Variants in UBLCP1 observed in about 807,000 individuals in gnomAD.
UBLCP1 encodes the protein ubiquitin like domain containing CTD phosphatase 1.
In UBLCP1, 28 loss-of-function variants were observed where a neutral mutation model predicts 42.4. The observed-to-expected ratio is 0.66, with a 90% CI of 0.49 to 0.90. The LOEUF (loss-of-function observed/expected upper bound fraction) is 0.90, where lower values mean the gene tolerates loss of function less well. Among genes scored for constraint, UBLCP1 ranks in the 40% least tolerant of loss-of-function variants. The pLI is 0.00. For synonymous variants in UBLCP1, 122 were observed against 120.8 expected (o/e 1.01, Z -0.07); for missense variants, 279 against 374.5 (o/e 0.75, Z 2.10).
chr5:159,279,958 A>C (rs574496550), intron 9 of UBLCP1, among the ~76,000 whole-genome samples: 114 of 152,300 alleles, frequency 7.5e-4, no homozygotes, highest in African/African-American at 2.6e-3. Context: ...TGTTTAAAAG[A>C]AACTTTGTTT....
chr5:159,273,406 T>G (rs1208433137), intron 6 of UBLCP1, among the ~76,000 whole-genome samples: 1 of 152,172 alleles, frequency 6.6e-6, no homozygotes, highest in African/African-American at 2.4e-5. Flanking sequence ...CTAAATAGAC[T>G]AGGATTTTAA....
chr5:159,267,016 C>CA (rs1753403647), intron 1 of UBLCP1, among the ~76,000 whole-genome samples: 1 of 152,198 alleles, frequency 6.6e-6, no homozygotes, highest in African/African-American at 2.4e-5. Flanking sequence ...TCAGAGCCCC[C>CA]ATACAGAGTC....
intron 1 of UBLCP1, among the ~76,000 whole-genome samples, chr5:159,267,043 C>G (rs1294293100): frequency 6.6e-6 from 1 of 152,186 alleles, no homozygotes; most frequent in Non-Finnish European, 1.5e-5. Flanking sequence ...GGGGCACTGC[C>G]TAGTGGAGCT....
rs745942254 is a variant in UBLCP1, at chr5:159,268,869, G to A, written c.-46-1G>A. Reference sequence around the variant, plus strand: ...TTGTTCATTTTTGTCTTCCTTTCCAGGTATTTTTTTTTCTGAAGGAAAGCT... The same window carrying A: ...TTGTTCATTTTTGTCTTCCTTTCCAAGTATTTTTTTTTCTGAAGGAAAGCT... On this transcript the variant is annotated splice_acceptor_variant, in intron 1 of 10. Coordinates refer to ENST00000296786, the MANE Select transcript of UBLCP1 (RefSeq NM_145049.5). LOFTEE classifies it low-confidence loss of function (5UTR_SPLICE). 4 of 1,578,466 alleles carry A rather than the reference G, an allele frequency of 2.5e-6. No homozygotes were observed. The highest frequency in any genetic ancestry group is 3.4e-6 in the Non-Finnish European group (4 of 1,165,458).
Position 159,284,993 on chromosome 5 carries a change from C to G in UBLCP1, c.*62C>G. 6.6e-7 allele frequency: 1 copy of G among 1,512,010 alleles called. No individual in the cohort carries two copies. 93.7% of individuals were successfully genotyped at this position (1,512,010 alleles called of 1,614,324 possible). On this transcript the variant is annotated 3_prime_UTR_variant, in exon 11 of 11. Transcript: ENST00000296786. Reference sequence around the variant, plus strand: ...GATCCAAGAACTTCTTGCTTTTATGCTAGAAATCATTATGATAGTGCTGGA... The same window carrying G: ...GATCCAAGAACTTCTTGCTTTTATGGTAGAAATCATTATGATAGTGCTGGA...
intron 6 of UBLCP1, among the ~76,000 whole-genome samples, chr5:159,273,834 T>TCACACACACACACA (rs34999232): frequency 2.0e-4 from 29 of 148,686 alleles, no homozygotes; most frequent in African/African-American, 5.9e-4. Context: ...CTTTTAAAAA[T>TCACACACACACACA]CACACACACA....
intron 9 of UBLCP1, 66 bp from the exon 10 acceptor site, chr5:159,283,146 T>C (rs1422674651): frequency 1.4e-6 from 2 of 1,475,598 alleles, no homozygotes; most frequent in Admixed American, 4.7e-5. Flanking sequence ...ATTGAAATGA[T>C]AGTATAGATT....
intron 10 of UBLCP1, among the ~76,000 whole-genome samples, chr5:159,283,988 TG>T (rs1385591878): frequency 2.0e-5 from 3 of 152,048 alleles, no homozygotes; most frequent in Non-Finnish European, 2.9e-5. Flanking sequence ...TTACAGTATT[TG>T]GGGGGGAATT....
chr5:159,279,658 C>T (rs1753583155), intron 9 of UBLCP1, among the ~76,000 whole-genome samples: 1 of 152,080 alleles, frequency 6.6e-6, no homozygotes, highest in South Asian at 2.1e-4. Flanking sequence ...AGTGAATTGC[C>T]ATAAGTATAA....
intron 9 of UBLCP1, 118 bp downstream of exon 9, chr5:159,278,472 G>T: frequency 1.3e-6 from 1 of 757,706 alleles, no homozygotes; most frequent in Non-Finnish European, 2.3e-6. Context: ...TTATGTCATA[G>T]GCGAGAAAAG....
At chr5:159,269,881 G>A in intron 2 of UBLCP1, 27 bp from the exon 3 acceptor site, 1 of 1,586,710 alleles carries the variant, frequency 6.3e-7, no homozygotes, top group Non-Finnish European at 8.6e-7. Flanking sequence ...ACTTTAGTGA[G>A]AAAACAGTCA....
intron 7 of UBLCP1, among the ~76,000 whole-genome samples, 172 bp from the exon 8 acceptor site, chr5:159,274,975 AC>A (rs1753515281): frequency 6.6e-6 from 1 of 152,156 alleles, no homozygotes; most frequent in Non-Finnish European, 1.5e-5. Context: ...TCCTTGGTTT[AC>A]CATTTATTGA....
intron 10 of UBLCP1, 37 bp downstream of exon 10, chr5:159,283,376 C>A (rs1208836047): frequency 1.3e-6 from 2 of 1,493,294 alleles, no homozygotes; most frequent in Non-Finnish European, 1.8e-6. Context: ...CTCTTTACAT[C>A]AATGAAGAAA....
intron 5 of UBLCP1, among the ~76,000 whole-genome samples, chr5:159,271,698 T>C (rs1186397160): frequency 6.6e-6 from 1 of 152,200 alleles, no homozygotes; most frequent in African/African-American, 2.4e-5. Context: ...TAAGTGGACA[T>C]AGTTTGTTTT....
At chr5:159,278,840 G>A (rs1753571309) in intron 9 of UBLCP1, among the ~76,000 whole-genome samples, 1 of 152,122 alleles carries the variant, frequency 6.6e-6, no homozygotes, top group African/African-American at 2.4e-5. Context: ...CACAAGTGCT[G>A]GGATTACAGG....
At position 159,266,185 on chromosome 5, in the gene UBLCP1, G is replaced by A. The variant is rs369738662; in HGVS notation, c.-46-2685G>A. Among the ~76,000 whole-genome samples, 9 of 152,308 alleles carry A rather than the reference G, an allele frequency of 5.9e-5. No homozygotes were observed. In the East Asian group the frequency reaches 1.5e-3, roughly 26 times the overall value. On this transcript the variant is annotated intron_variant, in intron 1 of 10. Transcript: ENST00000296786. ...GAACTTCCTAGAGACTTGTTGAATG[G>A]CTTTGCCCAAAATTCTGATAGCTAT...
intron 6 of UBLCP1, chr5:159,274,356 C>T (rs10515781): frequency 0.29 from 104,799 of 355,260 alleles, 16,344 homozygotes; most frequent in Non-Finnish European, 0.32. Flanking sequence ...CATGGATTAC[C>T]TGTATCTTAC....
At position 159,274,113 on chromosome 5, in the gene UBLCP1, A is replaced by G. The variant is rs77564758; in HGVS notation, c.548-472A>G. 4.5e-3 allele frequency among the ~76,000 whole-genome samples: 678 copies of G among 152,288 alleles called. 10 individuals carry two copies. The highest frequency in any genetic ancestry group is 0.015 in the African/African-American group (630 of 41,570). On this transcript the variant is annotated intron_variant, in intron 6 of 10. Coordinates refer to ENST00000296786, the MANE Select transcript of UBLCP1 (RefSeq NM_145049.5). ...GCTTTAATTTGCTGAGACTGACAAA[A>G]TGCAGATTTTCACTGAACCTGACTA...
intron 9 of UBLCP1, among the ~76,000 whole-genome samples, chr5:159,279,877 G>C (rs1753587277): frequency 6.6e-6 from 1 of 151,948 alleles, no homozygotes; most frequent in African/African-American, 2.4e-5. Context: ...GTGATCCCAT[G>C]ATGGTCAAGG....
Sources: gnomAD v4.1 joint callset for allele counts (sites outside exome capture counted in the v4.1 genomes callset) on GRCh38, gnomAD v4.1.1 for gene constraint, MANE v1.5 for transcripts, NCBI Gene and HGNC (gene_info 2026-07-23, HGNC 2026-07-21) for gene names.